The following E2F3 variants were observed in gnomAD, a reference collection of about 807,000 sequenced individuals.
The protein encoded by E2F3 is E2F transcription factor 3, also known as transcription factor E2F3.
E2F3 carries 11 observed loss-of-function variants against 44.4 expected under a neutral mutation model. That is an observed-to-expected ratio of 0.25 (90% CI 0.16 to 0.41). The LOEUF (loss-of-function observed/expected upper bound fraction) is 0.41. Ranked by LOEUF, E2F3 falls within the 10% of genes least tolerant of loss-of-function variation. The probability of loss-of-function intolerance (pLI) is 1.00; values close to 1 mark genes in which losing one functional copy is unlikely to be tolerated. For synonymous variants in E2F3, 249 were observed against 253.0 expected (o/e 0.98, Z 0.15); for missense variants, 487 against 583.6 (o/e 0.83, Z 1.70).
chr6:20,424,783 A>G (rs1760157041), intron 1 of E2F3, among the ~76,000 whole-genome samples: 1 of 152,194 alleles, frequency 6.6e-6, no homozygotes, highest in Non-Finnish European at 1.5e-5. Context: ...TGATACAACA[A>G]ACCTTGAGAG....
chr6:20,459,361 A>G (rs932777087), intron 1 of E2F3, among the ~76,000 whole-genome samples: 11 of 152,214 alleles, frequency 7.2e-5, no homozygotes, highest in Non-Finnish European at 1.3e-4. Flanking sequence ...ATCTGAAGAG[A>G]TGTACTGATT....
intron 1 of E2F3, among the ~76,000 whole-genome samples, chr6:20,426,060 A>G (rs1414940785): frequency 1.3e-5 from 2 of 152,242 alleles, no homozygotes; most frequent in East Asian, 3.8e-4. Flanking sequence ...ATGGACTAAG[A>G]GGCCTGTGAC....
chr6:20,402,467 G>T lies in E2F3; in HGVS notation c.235G>T (p.Val79Leu). The change falls in exon 1 of 7, where the codon GTA (valine) becomes TTA (leucine). Residue 79 changes from valine (V) to leucine (L), a missense_variant. Physicochemically the swap from Val to Leu is conservative, Grantham distance 32. Coordinates refer to ENST00000346618, the MANE Select transcript of E2F3 (RefSeq NM_001949.5). The surrounding 1 kb of genome is among the most constrained non-coding windows in gnomAD (Gnocchi z 5.6). Reference sequence around the variant, plus strand: ...TTCCTCCTCCCTCCAAAGCGGCGCCGTAGCCGCCGGCCCCCTCCTCCCCAG... The same window carrying T: ...TTCCTCCTCCCTCCAAAGCGGCGCCTTAGCCGCCGGCCCCCTCCTCCCCAG... ...SCSSSLQSGA[V>L]AAGPLLPSAP... The T allele has an allele frequency of 6.2e-7, 1 of 1,608,966 alleles. No homozygotes were observed. Among genetic ancestry groups the T allele is most frequent in the South Asian group, 1.1e-5 (1 of 90,956 alleles).
intron 1 of E2F3, among the ~76,000 whole-genome samples, chr6:20,470,629 A>G (rs763747697): frequency 2.0e-5 from 3 of 152,192 alleles, no homozygotes; most frequent in Non-Finnish European, 4.4e-5. Context: ...TCCTTTGTTC[A>G]AAATACCTGT....
intron 1 of E2F3, among the ~76,000 whole-genome samples, chr6:20,457,843 A>T (rs1051350834): frequency 2.0e-5 from 3 of 152,038 alleles, no homozygotes; most frequent in Non-Finnish European, 2.9e-5. Context: ...GCAACACACT[A>T]CCATTTTTTT....
At chr6:20,417,105 C>T (rs1395117318) in intron 1 of E2F3, among the ~76,000 whole-genome samples, 1 of 152,110 alleles carries the variant, frequency 6.6e-6, no homozygotes, top group African/African-American at 2.4e-5. Context: ...TCTTACCTGG[C>T]ATCATTAAAA....
At chr6:20,487,376 C>G (rs4134968) in intron 5 of E2F3, among the ~76,000 whole-genome samples, 1 of 152,162 alleles carries the variant, frequency 6.6e-6, no homozygotes, top group Non-Finnish European at 1.5e-5. Context: ...GAAAGTTACA[C>G]GCTTCCATCT....
intron 1 of E2F3, among the ~76,000 whole-genome samples, chr6:20,414,179 C>G (rs367641905): frequency 1.2e-4 from 19 of 152,316 alleles, no homozygotes; most frequent in African/African-American, 4.6e-4. Flanking sequence ...CATGGTGCCA[C>G]AAAAACCTTT....
intron 1 of E2F3, among the ~76,000 whole-genome samples, chr6:20,450,198 C>T (rs923527240): frequency 1.3e-5 from 2 of 152,108 alleles, no homozygotes; most frequent in African/African-American, 2.4e-5. Context: ...TGAGAAATCG[C>T]CACACTGCTT....
intron 1 of E2F3, among the ~76,000 whole-genome samples, chr6:20,409,136 A>C (rs1379652370): frequency 2.6e-5 from 4 of 152,214 alleles, no homozygotes; most frequent in African/African-American, 7.2e-5. Flanking sequence ...ACTGTGTCTC[A>C]TGAACCCTAT....
chr6:20,414,774 C>T (rs12174402), intron 1 of E2F3, among the ~76,000 whole-genome samples: 18,163 of 152,130 alleles, frequency 0.12, 1,320 homozygotes, highest in East Asian at 0.31. Flanking sequence ...TGGGAATAGT[C>T]TCTAGGAGGC....
intron 1 of E2F3, among the ~76,000 whole-genome samples, chr6:20,437,619 A>G (rs566925167): frequency 2.7e-4 from 41 of 152,324 alleles, no homozygotes; most frequent in Non-Finnish European, 8.8e-5. Context: ...AATGCATTTT[A>G]GAACCCTATT....
At chr6:20,426,262 G>C (rs528254129) in intron 1 of E2F3, among the ~76,000 whole-genome samples, 1 of 152,194 alleles carries the variant, frequency 6.6e-6, no homozygotes, top group East Asian at 1.9e-4. Flanking sequence ...AACAATTACT[G>C]GTGTAAGTAT....
At chr6:20,440,527 T>C (rs1208991744) in intron 1 of E2F3, among the ~76,000 whole-genome samples, 1 of 152,172 alleles carries the variant, frequency 6.6e-6, no homozygotes, top group African/African-American at 2.4e-5. Flanking sequence ...TCCTTCTCTG[T>C]CTCTCAGGCT....
chr6:20,429,606 C>T (rs1007176703), intron 1 of E2F3, among the ~76,000 whole-genome samples: 1 of 152,142 alleles, frequency 6.6e-6, no homozygotes, highest in Non-Finnish European at 1.5e-5. Flanking sequence ...GACCATTTCT[C>T]AAACTAAGAG....
chr6:20,482,966 C>A, intron 4 of E2F3, 46 bp downstream of exon 4: 1 of 1,610,220 alleles, frequency 6.2e-7, no homozygotes, highest in Non-Finnish European at 8.5e-7. Flanking sequence ...GCTTCCTAGA[C>A]TATTTCCAGA....
chr6:20,403,908 G>C, intron 1 of E2F3: 2 of 934,674 alleles, frequency 2.1e-6, no homozygotes, highest in South Asian at 3.4e-5. Flanking sequence ...AAGCGGTGAG[G>C]GTAGGCGGTT....
In E2F3 at chr6:20,484,378, T is replaced by C. The variant is rs577031011; in HGVS notation, c.884+1458T>C. ...ACAAATGTGTTGAAATTTTCCTTCC[T>C]GCAGCATGTTGAGTAATCGTAGATG... is the stretch of plus-strand genomic sequence containing the variant. On this transcript the variant is annotated intron_variant, in intron 4 of 6. Transcript: ENST00000346618. 2.6e-3 allele frequency among the ~76,000 whole-genome samples: 401 copies of C among 152,362 alleles called. 2 individuals carry two copies. The highest frequency in any genetic ancestry group is 8.4e-3 in the African/African-American group (350 of 41,590).
intron 1 of E2F3, among the ~76,000 whole-genome samples, chr6:20,441,747 T>A (rs1165388325): frequency 8.2e-6 from 1 of 121,450 alleles, no homozygotes. Flanking sequence ...TTTTTTTTTT[T>A]AGTACAGACA....
Sources: allele counts gnomAD v4.1 joint callset (sites outside exome capture counted in the v4.1 genomes callset), GRCh38; gene constraint gnomAD v4.1.1; non-coding constraint Gnocchi (gnomAD v3.1); transcripts MANE v1.5; gene names NCBI Gene and HGNC (gene_info 2026-07-23, HGNC 2026-07-21).